Variants in OR13A1 observed in about 807,000 individuals in gnomAD.
OR13A1 encodes olfactory receptor 13A1.
In OR13A1, 10 loss-of-function variants were observed where a neutral mutation model predicts 7.5. The ratio of observed to expected loss-of-function variants is 1.34; its 90% confidence interval spans 0.83 to 2.27. The LOEUF is 2.27. Among genes scored for constraint, OR13A1 ranks in the 30% most tolerant of loss-of-function variants. OR13A1 has a pLI of 0.00. For missense variants in OR13A1, 509 were observed against 419.1 expected (o/e 1.21, Z -1.87); for synonymous variants, 238 against 177.9 (o/e 1.34, Z -2.69).
rs184159495 is a variant in OR13A1 at position 45,303,764 on chromosome 10, G to T, written c.659C>A (p.Ala220Glu). 2.5e-6 allele frequency: 4 copies of T among 1,614,044 alleles called. No homozygotes were observed. The highest frequency in any genetic ancestry group is 2.5e-6 in the Non-Finnish European group (3 of 1,180,034). ...TYVNGVMIVL[A>E]DAFYGIVNFL... ...GTTCACTATGCCGTAGAAAGCATCC[G>T]CCAGGACAATCATGACACCGTTGAC... The change falls in exon 4 of 4, where the codon GCG (alanine) becomes GAG (glutamate). Residue 220 changes from alanine (A) to glutamate (E), a missense_variant. Physicochemically the swap from Ala to Glu is moderately radical, Grantham distance 107. Transcript: ENST00000553795.
intron 3 of OR13A1, 51 bp from the exon 4 acceptor site, chr10:45,304,485 T>C: frequency 6.8e-7 from 1 of 1,465,888 alleles, no homozygotes; most frequent in South Asian, 1.3e-5. Context: ...CCGTGTTTCT[T>C]CCACACCTCA....
chr10:45,303,420 C>T lies in OR13A1; in HGVS notation c.*16G>A. The T allele has an allele frequency of 6.4e-7, 1 of 1,572,346 alleles. No individual in the cohort carries two copies. Among genetic ancestry groups the T allele is most frequent in the Non-Finnish European group, 8.6e-7 (1 of 1,158,378 alleles). ...AAACTGCAGTCTCCAAGGACAAAAA[C>T]TTCAGAAGACACAAGTTAATTTCTG... On this transcript the variant is annotated 3_prime_UTR_variant, in exon 4 of 4. Transcript: ENST00000553795.
intron 1 of OR13A1, among the ~76,000 whole-genome samples, chr10:45,313,543 A>T (rs745886832): frequency 1.3e-5 from 2 of 152,066 alleles, no homozygotes; most frequent in Non-Finnish European, 2.9e-5. Flanking sequence ...TAGGTCTAAG[A>T]AACAAATATG....
chr10:45,303,645 A>C lies in OR13A1; in HGVS notation c.778T>G (p.Ser260Ala). 6.2e-7 allele frequency: 1 copy of C among 1,614,208 alleles called. No homozygotes were observed. The highest frequency in any genetic ancestry group is 8.5e-7 in the Non-Finnish European group (1 of 1,180,042). ...WGRQKAFSTC[S>A]SHLTVVCMYY... is the part of the protein sequence containing the mutation. Reference sequence around the variant, plus strand: ...ATGCACACCACGGTGAGGTGGGAAGAGCAGGTGGAGAAGGCTTTCTGCCTC... The same window carrying C: ...ATGCACACCACGGTGAGGTGGGAAGCGCAGGTGGAGAAGGCTTTCTGCCTC... Residue 260 changes from serine (S) to alanine (A), a missense_variant, in exon 4 of 4, where the codon TCT becomes GCT. Transcript: ENST00000553795.
chr10:45,304,901 A>G (rs545359689), intron 3 of OR13A1, among the ~76,000 whole-genome samples: 1 of 152,318 alleles, frequency 6.6e-6, no homozygotes, highest in African/African-American at 2.4e-5. Flanking sequence ...TGAGTATATT[A>G]TGGTAAATTG....
chr10:45,303,248 C>T lies in OR13A1; in HGVS notation c.*188G>A. 6.5e-6 allele frequency: 4 copies of T among 610,940 alleles called. No individual in the cohort carries two copies. The highest frequency in any genetic ancestry group is 1.1e-5 in the Non-Finnish European group (4 of 352,516). The allele number at this position is 610,940 out of a possible 1,614,324, so 37.8% of individuals were successfully genotyped here. ...ACCAAGAGATCTGGTGTCTCAGAGG[C>T]TGGTGGGTCACACCTACCGCAATCC... On this transcript the variant is annotated 3_prime_UTR_variant, in exon 4 of 4. Transcript: ENST00000553795.
intron 1 of OR13A1, among the ~76,000 whole-genome samples, chr10:45,312,865 T>A (rs1285802217): frequency 6.6e-6 from 1 of 152,072 alleles, no homozygotes; most frequent in Non-Finnish European, 1.5e-5. Context: ...CTTTCCAGGA[T>A]GAACAAAAAC....
At chr10:45,313,622 A>G (rs1462953514) in intron 1 of OR13A1, among the ~76,000 whole-genome samples, 1 of 152,136 alleles carries the variant, frequency 6.6e-6, no homozygotes, top group Admixed American at 6.6e-5. Flanking sequence ...AAGTGACTAT[A>G]CTACTATCCA....
rs760244924 is a variant in OR13A1, at chr10:45,303,508, G to A, written c.915C>T (p.Pro305=). ...LYTVLSPTLN[P]LIYTLRNKEV... ...CCTTGTTTCTCAAAGTATAGATGAG[G>A]GGGTTGAGGGTAGGACTCAGCACAG... The change falls in exon 4 of 4, where the codon CCC becomes CCT. Residue 305 remains proline (P), a synonymous_variant. Transcript: ENST00000553795. 3.1e-6 allele frequency: 5 copies of A among 1,613,992 alleles called. No individual in the cohort carries two copies. The highest frequency in any genetic ancestry group is 2.2e-5 in the South Asian group (2 of 91,076).
rs1161034537 is a variant in OR13A1 at position 45,304,081 on chromosome 10, G to GC, written c.341dup (p.Cys115LeufsTer25). On this transcript the variant is annotated frameshift_variant, in exon 4 of 4. Coordinates refer to ENST00000553795, the MANE Select transcript of OR13A1 (RefSeq NM_001004297.3). LOFTEE classifies it high-confidence loss of function. ...TGAGGAAATAGAGCTGGGCCATGCA[G>GC]CCCCCGTAGGAGATGGAGCTCTCTT... 6.2e-7 allele frequency: 1 copy of GC among 1,613,858 alleles called. No homozygotes were observed. Among genetic ancestry groups the GC allele is most frequent in the Non-Finnish European group, 8.5e-7 (1 of 1,179,920 alleles).
Position 45,307,806 on chromosome 10 carries a change from C to T in OR13A1, c.-222G>A, listed in dbSNP as rs1354561502. The T allele has an allele frequency of 6.6e-6, 1 of 152,148 alleles. No individual in the cohort carries two copies. Among genetic ancestry groups the T allele is most frequent in the African/African-American group, 2.4e-5 (1 of 41,426 alleles). The allele number at this position is 152,148 out of a possible 1,614,324, so 9.4% of individuals were successfully genotyped here. A position where few individuals can be genotyped will look rare whatever the true frequency, so the allele number is the denominator to read the frequency against. ...TTTATCAAACCCTTGGGCACTCAAG[C>T]TTCTGAAGGGGGAAAAAAGGCATCT... On this transcript the variant is annotated splice_region_variant and 5_prime_UTR_variant, in exon 2 of 4. Coordinates refer to ENST00000553795, the MANE Select transcript of OR13A1 (RefSeq NM_001004297.3).
In OR13A1 at chr10:45,303,567, C is replaced by A; in HGVS notation, c.856G>T (p.Ala286Ser). 8 of 1,614,090 alleles carry A rather than the reference C, an allele frequency of 5.0e-6. No homozygotes were observed. The highest frequency in any genetic ancestry group is 6.8e-6 in the Non-Finnish European group (8 of 1,180,030). ...AGGCCAGCCAACTTGCTCTTCCCTGCGCTGTAGCCAGAGACCGGGCTTATG... is the reference window on the plus strand; with the variant it reads ...AGGCCAGCCAACTTGCTCTTCCCTGAGCTGTAGCCAGAGACCGGGCTTATG... ...AYISPVSGYS[A>S]GKSKLAGLLY... The change falls in exon 4 of 4, where the codon GCA becomes TCA. Residue 286 changes from alanine (A) to serine (S), a missense_variant. Coordinates refer to ENST00000553795, the MANE Select transcript of OR13A1 (RefSeq NM_001004297.3).
chr10:45,314,512 G>A (rs1651531852), intron 1 of OR13A1, among the ~76,000 whole-genome samples: 1 of 148,670 alleles, frequency 6.7e-6, no homozygotes, highest in Non-Finnish European at 1.5e-5. Context: ...GAAACTAGGA[G>A]AGAAAAAAAA....
chr10:45,305,217 G>A (rs916931494), intron 3 of OR13A1, among the ~76,000 whole-genome samples: 4 of 151,862 alleles, frequency 2.6e-5, no homozygotes, highest in Non-Finnish European at 5.9e-5. Context: ...CTGGGCGACA[G>A]AGTGAGACTG....
At chr10:45,302,592 A>G (rs1588938990), downstream of OR13A1, 1 of 152,196 alleles carries the variant, frequency 6.6e-6, no homozygotes, top group Non-Finnish European at 1.5e-5. Flanking sequence ...AAACATTCAC[A>G]TCTTAGTTCT....
In OR13A1 at chr10:45,303,844, G is replaced by A. The variant is rs1838262349; in HGVS notation, c.579C>T (p.Ile193=). The A allele has an allele frequency of 6.2e-7, 1 of 1,612,724 alleles. No individual in the cohort carries two copies. Among genetic ancestry groups the A allele is most frequent in the Admixed American group, 1.7e-5 (1 of 60,030 alleles). The change falls in exon 4 of 4, where the codon ATC becomes ATT. Residue 193 remains isoleucine, a synonymous_variant. Transcript: ENST00000553795. ...GGGGAGGGACCTCGCAGAAGAAATG[G>A]ATAATGACATTGGGGCCACAGAAAT... ...RLDFCGPNVI[I]HFFCEVPPLL...
chr10:45,305,219 G>T (rs949692714), intron 3 of OR13A1, among the ~76,000 whole-genome samples: 1 of 151,832 alleles, frequency 6.6e-6, no homozygotes, highest in African/African-American at 2.4e-5. Flanking sequence ...GGGCGACAGA[G>T]TGAGACTGTC....
intron 1 of OR13A1, among the ~76,000 whole-genome samples, chr10:45,312,015 T>C (rs773002658): frequency 3.3e-5 from 5 of 152,062 alleles, no homozygotes; most frequent in Non-Finnish European, 5.9e-5. Flanking sequence ...GATTAGACAT[T>C]GCAAAAAAAT....
rs562309344 is a variant in OR13A1, at chr10:45,305,331, CA to C, written c.-12-898del. Reference sequence around the variant, plus strand: ...ATTTTTAAAAAAAAAATTAAAAAAGCAGATTTGTTTCCACTGATATTGAGGA... The same window carrying C: ...ATTTTTAAAAAAAAAATTAAAAAAGCGATTTGTTTCCACTGATATTGAGGA... On this transcript the variant is annotated intron_variant, in intron 3 of 3. Coordinates refer to ENST00000553795, the MANE Select transcript of OR13A1 (RefSeq NM_001004297.3). 6.5e-3 allele frequency among the ~76,000 whole-genome samples: 987 copies of C among 151,296 alleles called. 5 individuals are homozygous for C. The highest frequency in any genetic ancestry group is 0.01 in the Non-Finnish European group (696 of 67,772).
Sources: allele counts gnomAD v4.1 joint callset (sites outside exome capture counted in the v4.1 genomes callset), GRCh38; gene constraint gnomAD v4.1.1; transcripts MANE v1.5; gene names NCBI Gene and HGNC (gene_info 2026-07-23, HGNC 2026-07-21).